Variants in WASF2 observed in about 807,000 individuals in gnomAD.
WASF2 encodes the protein actin-binding protein WASF2.
A neutral mutation model predicts 45.0 loss-of-function variants in WASF2; 14 were observed. That is an observed-to-expected ratio of 0.31 (90% CI 0.21 to 0.49). The LOEUF is 0.49. Among genes scored for constraint, WASF2 ranks in the 20% least tolerant of loss-of-function variants. The pLI, the probability that WASF2 is intolerant of heterozygous loss-of-function variation, is 0.99. For synonymous variants in WASF2, 200 were observed against 236.3 expected, an observed-to-expected ratio of 0.85 and a Z score of 1.41; for missense variants, 439 against 636.1, an observed-to-expected ratio of 0.69 and a Z score of 3.33.
At chr1:27,473,971 C>T (rs6685856) in intron 1 of WASF2, among the ~76,000 whole-genome samples, 36,046 of 151,998 alleles carry the variant, frequency 0.24, 7,175 homozygotes, top group African/African-American at 0.54. Context: ...TCATCAAACA[C>T]GAACAATTCT....
rs1282335948 is a variant in WASF2 at position 27,409,789 on chromosome 1, A to T, written c.1242T>A (p.Pro414=). The part of the protein sequence containing the change: ...PPPFTGADGQ[P]AIPPPLSDTT... ...TATCAGAAAGCGGTGGTGGTATAGCAGGCTGGCCATCTGCACCAGTGAAAG... is the reference window on the plus strand; with the variant it reads ...TATCAGAAAGCGGTGGTGGTATAGCTGGCTGGCCATCTGCACCAGTGAAAG... The change falls in exon 8 of 9, where the codon CCT becomes CCA. Residue 414 remains proline, a synonymous_variant. Transcript: ENST00000618852. 6.4e-7 allele frequency: 1 copy of T among 1,559,682 alleles called. No individual in the cohort carries two copies. The highest frequency in any genetic ancestry group is 1.9e-5 in the Admixed American group (1 of 52,596).
At chr1:27,460,909 T>C (rs1031790282) in intron 1 of WASF2, among the ~76,000 whole-genome samples, 5 of 151,804 alleles carry the variant, frequency 3.3e-5, no homozygotes, top group Non-Finnish European at 7.4e-5. Context: ...GAGGCCGAGG[T>C]GGGTGGATTA....
intron 1 of WASF2, among the ~76,000 whole-genome samples, chr1:27,454,183 A>ATTT (rs2017433113): frequency 5.9e-4 from 5 of 8,476 alleles, no homozygotes; most frequent in East Asian, 3.4e-3. Flanking sequence ...ATATATATAT[A>ATTT]TATATTTTTT....
At chr1:27,441,941 AG>A (rs2017242761) in intron 1 of WASF2, among the ~76,000 whole-genome samples, 1 of 149,638 alleles carries the variant, frequency 6.7e-6, no homozygotes, top group Non-Finnish European at 1.5e-5. Context: ...AAAAAAAAAA[AG>A]AAAGAAAGAA....
At position 27,428,703 on chromosome 1, in the gene WASF2, T is replaced by C. The variant is rs2017020056; in HGVS notation, c.130+58A>G. ...TAGGAACGCGGGAGGAGAAGGAAACTAAATAAAGAGCACCAACGACCCCTG... is the reference window on the plus strand; with the variant it reads ...TAGGAACGCGGGAGGAGAAGGAAACCAAATAAAGAGCACCAACGACCCCTG... On this transcript the variant is annotated intron_variant, in intron 2 of 8. Coordinates refer to ENST00000618852, the MANE Select transcript of WASF2 (RefSeq NM_006990.5). 3.5e-5 allele frequency: 57 copies of C among 1,612,690 alleles called. 2 individuals are homozygous for C. The South Asian group carries it at 6.0e-4, about 17-fold the overall frequency.
intron 1 of WASF2, among the ~76,000 whole-genome samples, chr1:27,454,149 GTGTGTATA>G (rs1157802207): frequency 4.8e-5 from 4 of 83,656 alleles, no homozygotes; most frequent in African/African-American, 2.0e-4. Flanking sequence ...GTGTGTGTGT[GTGTGTATA>G]TATATATATA....
chr1:27,445,541 C>A (rs2017299274), intron 1 of WASF2, among the ~76,000 whole-genome samples: 1 of 152,164 alleles, frequency 6.6e-6, no homozygotes, highest in South Asian at 2.1e-4. Context: ...TCCTATTTAC[C>A]CTAAAACTGA....
chr1:27,482,992 T>C (rs1557624699), intron 1 of WASF2, among the ~76,000 whole-genome samples: 1 of 152,050 alleles, frequency 6.6e-6, no homozygotes, highest in Non-Finnish European at 1.5e-5. Context: ...GTATTCCTGG[T>C]CGGACCATGA....
At chr1:27,481,306 A>G (rs1197112578) in intron 1 of WASF2, among the ~76,000 whole-genome samples, 1 of 152,154 alleles carries the variant, frequency 6.6e-6, no homozygotes, top group African/African-American at 2.4e-5. Flanking sequence ...TCCGTATGAA[A>G]AAAATAACGC....
chr1:27,481,017 G>C (rs2017840674), intron 1 of WASF2, among the ~76,000 whole-genome samples: 1 of 151,174 alleles, frequency 6.6e-6, no homozygotes, highest in Non-Finnish European at 1.5e-5. Flanking sequence ...TAGCCTGGGT[G>C]ACAGAGTGAG....
chr1:27,430,796 T>G (rs1050586132), intron 1 of WASF2, among the ~76,000 whole-genome samples: 2 of 148,850 alleles, frequency 1.3e-5, no homozygotes, highest in African/African-American at 5.0e-5. Context: ...TATTATAAAC[T>G]CCTCTTTATA....
At chr1:27,468,999 C>G (rs2017654479) in intron 1 of WASF2, among the ~76,000 whole-genome samples, 1 of 151,088 alleles carries the variant, frequency 6.6e-6, no homozygotes, top group Non-Finnish European at 1.5e-5. Context: ...AAACCTGATT[C>G]AAATAAACCA....
intron 1 of WASF2, among the ~76,000 whole-genome samples, chr1:27,461,662 G>A (rs1283374838): frequency 6.6e-6 from 1 of 151,634 alleles, no homozygotes; most frequent in Admixed American, 6.6e-5. Context: ...TTTTCGTAGA[G>A]TCGGGGTTTC....
chr1:27,435,764 G>A (rs2017128539), intron 1 of WASF2, among the ~76,000 whole-genome samples: 1 of 152,170 alleles, frequency 6.6e-6, no homozygotes, highest in Admixed American at 6.5e-5. Flanking sequence ...ATTACCAGAA[G>A]ACAGATAGAT....
intron 2 of WASF2, 89 bp downstream of exon 2, chr1:27,428,672 G>A: frequency 6.2e-7 from 1 of 1,601,088 alleles, no homozygotes; most frequent in Non-Finnish European, 8.5e-7. Context: ...GCAGATGGGG[G>A]AGAAATAGGA....
intron 1 of WASF2, among the ~76,000 whole-genome samples, chr1:27,449,148 A>G (rs1316139912): frequency 6.6e-6 from 1 of 152,186 alleles, no homozygotes; most frequent in Non-Finnish European, 1.5e-5. Context: ...CTAAATATCC[A>G]TAACACGTTG....
intron 1 of WASF2, among the ~76,000 whole-genome samples, chr1:27,488,720 A>G (rs371891971): frequency 1.3e-5 from 2 of 152,172 alleles, no homozygotes; most frequent in Admixed American, 1.3e-4. Flanking sequence ...GTCAAATCAC[A>G]TATCTGAGGC....
At chr1:27,428,254 C>G (rs1472006693) in intron 2 of WASF2, among the ~76,000 whole-genome samples, 1 of 152,116 alleles carries the variant, frequency 6.6e-6, no homozygotes, top group Non-Finnish European at 1.5e-5. Context: ...GTGGACAAGT[C>G]AGTCAGAATC....
chr1:27,461,813 C>T (rs1455708387), intron 1 of WASF2, among the ~76,000 whole-genome samples: 1 of 151,464 alleles, frequency 6.6e-6, no homozygotes, highest in Non-Finnish European at 1.5e-5. Context: ...CAGGTACACA[C>T]CAATAGGCCT....
Sources: gnomAD v4.1 joint callset for allele counts (sites outside exome capture counted in the v4.1 genomes callset) on GRCh38, gnomAD v4.1.1 for gene constraint, MANE v1.5 for transcripts, NCBI Gene and HGNC (gene_info 2026-07-23, HGNC 2026-07-21) for gene names.